Variants in B3GAT2 observed in about 807,000 individuals in gnomAD.
B3GAT2 encodes galactosylgalactosylxylosylprotein 3-beta-glucuronosyltransferase 2.
B3GAT2 carries 26 observed loss-of-function variants against 27.8 expected under a neutral mutation model. The observed-to-expected ratio is 0.93, with a 90% CI of 0.68 to 1.30. B3GAT2 has a LOEUF of 1.30. Among genes scored for constraint, B3GAT2 ranks in the 50% most tolerant of loss-of-function variants. The pLI, the probability that B3GAT2 is intolerant of heterozygous loss-of-function variation, is 0.00. For missense variants in B3GAT2, 458 were observed against 459.0 expected (o/e 1.00, Z 0.02); for synonymous variants, 218 against 195.1 (o/e 1.12, Z -0.98).
chr6:70,944,858 A>T (rs1765453260), intron 1 of B3GAT2, among the ~76,000 whole-genome samples: 1 of 152,014 alleles, frequency 6.6e-6, no homozygotes, highest in African/African-American at 2.4e-5. Context: ...ACGGCCAGGT[A>T]CTCCTCTGAG....
Position 70,955,961 on chromosome 6 carries a change from T to A in B3GAT2, c.469A>T (p.Thr157Ser), listed in dbSNP as rs773719748. Residue 157 changes from threonine to serine, a missense_variant, in exon 1 of 4, where the codon ACT becomes TCT. By Grantham distance (58) the Thr-to-Ser change is moderately conservative. Coordinates refer to ENST00000230053, the MANE Select transcript of B3GAT2 (RefSeq NM_080742.3). ...RYKRPGLPRA[T>S]EQRNAGLAWL... ...GCGAGGCCCGCGTTGCGCTGCTCAG[T>A]GGCGCGCGGCAGCCCGGGCCGCTTG... 4.0e-6 allele frequency: 6 copies of A among 1,509,648 alleles called. No homozygotes were observed. The African/African-American group carries it at 5.8e-5, about 15-fold the overall frequency. 93.5% of individuals were successfully genotyped at this position (1,509,648 alleles called of 1,614,324 possible).
intron 2 of B3GAT2, among the ~76,000 whole-genome samples, chr6:70,873,388 C>T (rs971409364): frequency 4.9e-5 from 7 of 143,506 alleles, no homozygotes; most frequent in African/African-American, 1.8e-4. Context: ...CATCCCACTG[C>T]CTTCTAGCTT....
chr6:70,883,811 TG>T (rs1414730867), intron 2 of B3GAT2, among the ~76,000 whole-genome samples: 5 of 152,146 alleles, frequency 3.3e-5, no homozygotes, highest in African/African-American at 1.2e-4. Context: ...ATATTGTTGC[TG>T]GTGTTTTTCA....
intron 2 of B3GAT2, among the ~76,000 whole-genome samples, chr6:70,865,307 G>A (rs935358540): frequency 3.3e-5 from 5 of 152,036 alleles, no homozygotes; most frequent in African/African-American, 4.8e-5. Context: ...TAGCAGAGAC[G>A]GGGTTTCACT....
At chr6:70,863,406 G>A (rs2038477) in intron 2 of B3GAT2, among the ~76,000 whole-genome samples, 61,079 of 152,058 alleles carry the variant, frequency 0.4, 12,660 homozygotes, top group Middle Eastern at 0.44. Flanking sequence ...CAAACATAAC[G>A]TGGTACAGCA....
chr6:70,857,238 A>T lies in B3GAT2; in HGVS notation c.*4425T>A. 2.4e-6 allele frequency: 1 copy of T among 417,288 alleles called. No individual in the cohort carries two copies. Among genetic ancestry groups the T allele is most frequent in the Non-Finnish European group, 4.2e-6 (1 of 238,406 alleles). 25.8% of individuals were successfully genotyped at this position (417,288 alleles called of 1,614,324 possible). On this transcript the variant is annotated 3_prime_UTR_variant, in exon 4 of 4. Transcript: ENST00000230053. ...CAGGATTCACAGAACTTTATTTGGA[A>T]TTAACAAGCTGTTCATAGATCACTA...
At chr6:70,892,526 C>T (rs558668198) in intron 2 of B3GAT2, among the ~76,000 whole-genome samples, 2 of 152,260 alleles carry the variant, frequency 1.3e-5, no homozygotes, top group East Asian at 1.9e-4. Context: ...AAATCTGAAG[C>T]AAAAGTCTGT....
chr6:70,946,606 AC>A (rs1765487681), intron 1 of B3GAT2, among the ~76,000 whole-genome samples: 1 of 152,160 alleles, frequency 6.6e-6, no homozygotes, highest in Non-Finnish European at 1.5e-5. Context: ...CTACAAAGAG[AC>A]TTGGACTCCC....
Position 70,860,158 on chromosome 6 carries a change from T to TGAA in B3GAT2, c.*1502_*1504dup. The TGAA allele has an allele frequency of 1.3e-6, 2 of 1,532,692 alleles. No homozygotes were observed. Among genetic ancestry groups the TGAA allele is most frequent in the Non-Finnish European group, 1.8e-6 (2 of 1,140,590 alleles). The allele number at this position is 1,532,692 out of a possible 1,614,324, so 94.9% of individuals were successfully genotyped here. A position where few individuals can be genotyped will look rare whatever the true frequency, so the allele number is the denominator to read the frequency against. On this transcript the variant is annotated 3_prime_UTR_variant, in exon 4 of 4. Transcript: ENST00000230053. The stretch of plus-strand genomic sequence containing the variant: ...TGGCTAAAGAAACAAGAATTAAAAG[T>TGAA]GAAGTAAGCCTCTTGAACTAAGCCT...
In B3GAT2 at chr6:70,861,996, A is replaced by T. The variant is rs1271880242; in HGVS notation, c.737-18T>A. 1.3e-6 allele frequency: 2 copies of T among 1,568,080 alleles called. No homozygotes were observed. The highest frequency in any genetic ancestry group is 1.7e-6 in the Non-Finnish European group (2 of 1,162,864). On this transcript the variant is annotated intron_variant, in intron 2 of 3. Transcript: ENST00000230053. ...AGCAAATCCTTTGTGAAAAATAAAAAAAAAAAAGAGACTTTAAAATCCTGG... is the reference window on the plus strand; with the variant it reads ...AGCAAATCCTTTGTGAAAAATAAAATAAAAAAAGAGACTTTAAAATCCTGG...
chr6:70,940,605 C>A (rs954531753), intron 1 of B3GAT2, among the ~76,000 whole-genome samples: 1 of 152,102 alleles, frequency 6.6e-6, no homozygotes, highest in African/African-American at 2.4e-5. Context: ...TAGGTCCACA[C>A]TGGGCCCTGG....
chr6:70,893,160 G>A (rs184007710), intron 2 of B3GAT2, among the ~76,000 whole-genome samples: 11 of 152,242 alleles, frequency 7.2e-5, no homozygotes, highest in African/African-American at 2.4e-4. Flanking sequence ...GGTATTCTTC[G>A]TCCTCTGGCT....
chr6:70,858,287 CTTTTTTTTTT>C lies in B3GAT2; in HGVS notation c.*3366_*3375del, dbSNP rs68188898. On this transcript the variant is annotated 3_prime_UTR_variant, in exon 4 of 4. Coordinates refer to ENST00000230053, the MANE Select transcript of B3GAT2 (RefSeq NM_080742.3). ...ATCAAACCAGATTTATTTTCTAAAT[CTTTTTTTTTT>C]TTTTTTTTTTTTTTTTTTAAGTCTA... 18,448 of 290,612 alleles carry C rather than the reference CTTTTTTTTTT, an allele frequency of 0.063. 543 individuals carry two copies. Among genetic ancestry groups the C allele is most frequent in the Non-Finnish European group, 0.088 (15,680 of 177,216 alleles). The allele number at this position is 290,612 out of a possible 1,614,324, so 18.0% of individuals were successfully genotyped here.
At chr6:70,895,096 G>A (rs1445530276) in intron 1 of B3GAT2, among the ~76,000 whole-genome samples, 2 of 152,098 alleles carry the variant, frequency 1.3e-5, no homozygotes, top group Admixed American at 6.6e-5. Flanking sequence ...CCCCTTTCTC[G>A]GGCAGACACA....
chr6:70,891,945 A>T (rs1772295797), intron 2 of B3GAT2, among the ~76,000 whole-genome samples: 1 of 152,120 alleles, frequency 6.6e-6, no homozygotes, highest in African/African-American at 2.4e-5. Context: ...AAACAGAATA[A>T]CTATCCTATC....
At position 70,865,536 on chromosome 6, in the gene B3GAT2, A is replaced by G. The variant is rs9455237; in HGVS notation, c.737-3558T>C. Among the ~76,000 whole-genome samples, 309 of 152,334 alleles carry G rather than the reference A, an allele frequency of 2.0e-3. 1 individual carries two copies. The highest frequency in any genetic ancestry group is 7.1e-3 in the African/African-American group (297 of 41,576). On this transcript the variant is annotated intron_variant, in intron 2 of 3. Transcript: ENST00000230053. ...ATACAGGAGGATCTGCCTAGGTTATATGTAAACACTATATCAGGGACTTGA... is the reference window on the plus strand; with the variant it reads ...ATACAGGAGGATCTGCCTAGGTTATGTGTAAACACTATATCAGGGACTTGA...
intron 1 of B3GAT2, among the ~76,000 whole-genome samples, chr6:70,941,287 G>A (rs1765388629): frequency 6.6e-6 from 1 of 152,008 alleles, no homozygotes; most frequent in Admixed American, 6.6e-5. Flanking sequence ...CCTCAATTAG[G>A]GCAGTCACCC....
chr6:70,890,940 T>C (rs985646904), intron 2 of B3GAT2, among the ~76,000 whole-genome samples: 2 of 152,182 alleles, frequency 1.3e-5, no homozygotes, highest in Admixed American at 6.5e-5. Context: ...TAAATATCTG[T>C]TTTAAGTTCT....
At chr6:70,939,757 G>A (rs998989188) in intron 1 of B3GAT2, among the ~76,000 whole-genome samples, 1 of 150,332 alleles carries the variant, frequency 6.7e-6, no homozygotes, top group Non-Finnish European at 1.5e-5. Flanking sequence ...GGTGGGGGTT[G>A]GGGGGAGGGA....
Sources: allele counts gnomAD v4.1 joint callset (sites outside exome capture counted in the v4.1 genomes callset), GRCh38; gene constraint gnomAD v4.1.1; transcripts MANE v1.5; gene names NCBI Gene and HGNC (gene_info 2026-07-23, HGNC 2026-07-21).